The following IL1RAPL2 variants were observed in gnomAD, a reference collection of about 807,000 sequenced individuals.
The protein encoded by IL1RAPL2 is X-linked interleukin-1 receptor accessory protein-like 2.
A neutral mutation model predicts 44.1 loss-of-function variants in IL1RAPL2; 3 were observed. The ratio of observed to expected loss-of-function variants is 0.07; its 90% CI spans 0.03 to 0.18. The LOEUF is 0.18. IL1RAPL2 is among the 10% of genes least tolerant of loss of function. The pLI, the probability that IL1RAPL2 is intolerant of heterozygous loss-of-function variation, is 1.00. For missense variants in IL1RAPL2, 391 were observed against 496.4 expected, an observed-to-expected ratio of 0.79 and a Z score of 2.02; for synonymous variants, 181 against 178.8, an observed-to-expected ratio of 1.01 and a Z score of -0.10.
intron 2 of IL1RAPL2, among the ~76,000 whole-genome samples, chrX:105,050,986 C>T (rs1011039171): frequency 1.8e-5 from 2 of 112,265 alleles, no homozygotes; most frequent in African/African-American, 6.5e-5. Context: ...TTACGGACCT[C>T]GGAGGAGAGG....
rs1022602087 is a variant in IL1RAPL2, at chrX:105,276,099, G to A, written c.697+8558G>A. 4.4e-5 allele frequency among the ~76,000 whole-genome samples: 5 copies of A among 112,514 alleles called. No individual in the cohort carries two copies. The East Asian group carries it at 1.4e-3, about 31-fold the overall frequency. ...GATGTCTGAAACCAAATCAGCAGAG[G>A]TAGCCGCTAACAATACTCAAATGCG... is the stretch of plus-strand genomic sequence containing the variant. On this transcript the variant is annotated intron_variant, in intron 5 of 10. Transcript: ENST00000372582.
intron 6 of IL1RAPL2, among the ~76,000 whole-genome samples, chrX:105,578,297 G>A (rs767353104): frequency 9.1e-6 from 1 of 110,492 alleles, no homozygotes; most frequent in South Asian, 3.9e-4. Context: ...GGAGGAGGGG[G>A]TCACTTACTG....
chrX:104,867,053 G>A (rs147784348), intron 2 of IL1RAPL2, among the ~76,000 whole-genome samples: 1,157 of 108,687 alleles, frequency 0.011, 7 homozygotes, highest in South Asian at 0.03. Flanking sequence ...GGCTAACATG[G>A]TGAAACCCCG....
Position 105,195,139 on chromosome X carries a change from A to C in IL1RAPL2, c.83-336A>C, listed in dbSNP as rs938211744. The stretch of plus-strand genomic sequence containing the variant: ...AATGTGATGGATAGCAGAAGCAAAC[A>C]ATTTGCCTGGCTACTCTGCTGGAAT... On this transcript the variant is annotated intron_variant, in intron 2 of 10. Coordinates refer to ENST00000372582, the MANE Select transcript of IL1RAPL2 (RefSeq NM_017416.2). Among the ~76,000 whole-genome samples, 12 of 109,085 alleles carry C rather than the reference A, an allele frequency of 1.1e-4. No individual in the cohort carries two copies. In the Admixed American group the frequency reaches 1.2e-3, roughly 11 times the overall value. The allele number at this position is 109,085 out of a possible 115,157, so 94.7% of individuals were successfully genotyped here.
intron 2 of IL1RAPL2, among the ~76,000 whole-genome samples, chrX:105,088,798 C>G (rs958645731): frequency 9.0e-6 from 1 of 110,959 alleles, no homozygotes; most frequent in African/African-American, 3.3e-5. Context: ...AATTTTATTG[C>G]TAATCTTAAA....
chrX:104,889,337 C>G (rs1923349509), intron 2 of IL1RAPL2, among the ~76,000 whole-genome samples: 1 of 111,672 alleles, frequency 9.0e-6, no homozygotes, highest in South Asian at 3.8e-4. Flanking sequence ...AAATAGAACA[C>G]AGGGAGCCAC....
intron 6 of IL1RAPL2, among the ~76,000 whole-genome samples, chrX:105,533,027 T>C (rs1253538460): frequency 9.1e-6 from 1 of 109,635 alleles, no homozygotes; most frequent in African/African-American, 3.3e-5. Flanking sequence ...CCATCTCTAC[T>C]AAAAATACAA....
intron 2 of IL1RAPL2, among the ~76,000 whole-genome samples, chrX:104,902,116 A>G (rs1602797535): frequency 8.9e-6 from 1 of 111,985 alleles, no homozygotes; most frequent in Non-Finnish European, 1.9e-5. Flanking sequence ...GGGCGTTTCT[A>G]TGAGCTCTCT....
intron 5 of IL1RAPL2, among the ~76,000 whole-genome samples, chrX:105,469,647 A>G (rs909213759): frequency 9.1e-6 from 1 of 110,404 alleles, no homozygotes; most frequent in African/African-American, 3.3e-5. Context: ...ACTAAGTACT[A>G]TTGAAATGAT....
At chrX:105,578,105 C>T (rs1234206566) in intron 6 of IL1RAPL2, among the ~76,000 whole-genome samples, 10 of 101,775 alleles carry the variant, frequency 9.8e-5, no homozygotes, top group African/African-American at 2.5e-4. Flanking sequence ...TTGTTCAATT[C>T]CCATCTATGA....
chrX:104,672,266 TC>T (rs1297395635), intron 2 of IL1RAPL2, among the ~76,000 whole-genome samples: 1 of 110,072 alleles, frequency 9.1e-6, no homozygotes, highest in East Asian at 2.9e-4. Context: ...CCCATAACAG[TC>T]CCCAGAGTGT....
intron 5 of IL1RAPL2, among the ~76,000 whole-genome samples, chrX:105,281,995 T>A (rs777319910): frequency 9.1e-6 from 1 of 109,956 alleles, no homozygotes; most frequent in Admixed American, 9.7e-5. Context: ...GGAAAAAAAA[T>A]AGAAAGTTAA....
chrX:105,512,026 C>A (rs1242617260), intron 6 of IL1RAPL2, among the ~76,000 whole-genome samples: 1 of 110,738 alleles, frequency 9.0e-6, no homozygotes, highest in African/African-American at 3.3e-5. Flanking sequence ...CTTAACGACT[C>A]GAATTTCAAA....
intron 2 of IL1RAPL2, among the ~76,000 whole-genome samples, chrX:104,886,266 G>C (rs978048237): frequency 1.8e-5 from 2 of 111,871 alleles, no homozygotes; most frequent in African/African-American, 3.3e-5. Context: ...TATTATCTAC[G>C]TGAATATGGG....
intron 2 of IL1RAPL2, among the ~76,000 whole-genome samples, chrX:104,724,318 A>G (rs1931744262): frequency 9.0e-6 from 1 of 110,998 alleles, no homozygotes; most frequent in African/African-American, 3.3e-5. Flanking sequence ...TTCAACATAT[A>G]TCTAAAAGGG....
chrX:104,941,706 A>G (rs1925179987), intron 2 of IL1RAPL2, among the ~76,000 whole-genome samples: 1 of 111,811 alleles, frequency 8.9e-6, no homozygotes, highest in African/African-American at 3.3e-5. Context: ...TAGTTTAATT[A>G]GATCCCATTT....
chrX:104,804,850 A>T (rs1011821875), intron 2 of IL1RAPL2, among the ~76,000 whole-genome samples: 1 of 112,515 alleles, frequency 8.9e-6, no homozygotes, highest in Non-Finnish European at 1.9e-5. Context: ...TTCAAACTTA[A>T]ATTCTAGTTG....
chrX:105,131,144 G>A (rs1450078294), intron 2 of IL1RAPL2, among the ~76,000 whole-genome samples: 1 of 109,954 alleles, frequency 9.1e-6, no homozygotes, highest in Non-Finnish European at 1.9e-5. Flanking sequence ...TGGTTGGTTG[G>A]TTGGTTGTGT....
At chrX:104,627,268 T>A (rs997530977) in intron 1 of IL1RAPL2, among the ~76,000 whole-genome samples, 27 of 99,036 alleles carry the variant, frequency 2.7e-4, no homozygotes, top group Admixed American at 5.8e-4. Context: ...CTTGCGATAG[T>A]TTGCTGAGAA....
Sources: gnomAD v4.1 joint callset for allele counts (sites outside exome capture counted in the v4.1 genomes callset) on GRCh38, gnomAD v4.1.1 for gene constraint, MANE v1.5 for transcripts, NCBI Gene and HGNC (gene_info 2026-07-23, HGNC 2026-07-21) for gene names.